Variants in TMCO5A observed in about 807,000 individuals in gnomAD.
The protein encoded by TMCO5A is transmembrane and coiled-coil domains 5A, also known as transmembrane and coiled-coil domain-containing protein 5A.
In TMCO5A, 34 loss-of-function variants were observed where a neutral mutation model predicts 42.3. That is an observed-to-expected ratio of 0.80 (90% confidence interval 0.61 to 1.07). The LOEUF (loss-of-function observed/expected upper bound fraction) is 1.07. Ranked by LOEUF, TMCO5A falls within the 50% of genes least tolerant of loss-of-function variation. TMCO5A has a pLI of 0.00. For synonymous variants in TMCO5A, 131 were observed against 115.6 expected (o/e 1.13, Z -0.86); for missense variants, 357 against 327.9 (o/e 1.09, Z -0.69).
chr15:37,968,586 T>C (rs9806440), downstream of TMCO5A, among the ~76,000 whole-genome samples: 2,435 of 150,840 alleles, frequency 0.016, 51 homozygotes, highest in East Asian at 0.054. Context: ...ACATTTCTTT[T>C]TTTTTTTTTT....
intron 11 of TMCO5A, among the ~76,000 whole-genome samples, chr15:37,966,155 C>T (rs2140823562): frequency 6.6e-6 from 1 of 152,254 alleles, no homozygotes; most frequent in Admixed American, 6.5e-5. Flanking sequence ...CACAGAAAGA[C>T]ACACATCACA....
the TMCO5A span, among the ~76,000 whole-genome samples, chr15:37,977,722 G>T: frequency 6.6e-6 from 1 of 152,208 alleles, no homozygotes; most frequent in Admixed American, 6.5e-5. Context: ...CCTTTATGTT[G>T]CCTGCCTGGC....
chr15:37,943,995 T>C (rs1159971729), intron 10 of TMCO5A: 2 of 152,148 alleles, frequency 1.3e-5, no homozygotes, highest in African/African-American at 4.8e-5. Context: ...TGATGTCTTG[T>C]GGCAGCAAGG....
the TMCO5A span, among the ~76,000 whole-genome samples, chr15:38,010,166 G>T: frequency 9.9e-5 from 15 of 151,848 alleles, no homozygotes; most frequent in Non-Finnish European, 1.9e-4. Context: ...GAGGTCAGGA[G>T]ATCGAGACCA....
chr15:37,938,211 A>T lies in TMCO5A; in HGVS notation c.369A>T (p.Gly123=). The T allele has an allele frequency of 6.3e-7, 1 of 1,577,254 alleles. No individual in the cohort carries two copies. Among genetic ancestry groups the T allele is most frequent in the Non-Finnish European group, 8.6e-7 (1 of 1,161,108 alleles). Residue 123 remains glycine (G), a synonymous_variant, in exon 6 of 12, where the codon GGA becomes GGT. Coordinates refer to ENST00000319669, the MANE Select transcript of TMCO5A (RefSeq NM_152453.4). ...ITNCEQSSPD[G]ALEETKVKLQ... ...ATTGTGAACAAAGCAGTCCAGATGGAGCCCTAGAAGAGACAAAGGTAAATG... is the reference window on the plus strand; with the variant it reads ...ATTGTGAACAAAGCAGTCCAGATGGTGCCCTAGAAGAGACAAAGGTAAATG...
exon 12 of TMCO5A, chr15:37,967,652 C>A (rs755743415): frequency 2.0e-5 from 3 of 152,130 alleles, no homozygotes; most frequent in Non-Finnish European, 2.9e-5. Context: ...CACATACAGG[C>A]ACTATTCACT....
At chr15:37,964,476 T>G (rs1414348179) in intron 11 of TMCO5A, among the ~76,000 whole-genome samples, 2 of 152,060 alleles carry the variant, frequency 1.3e-5, no homozygotes, top group African/African-American at 4.8e-5. Flanking sequence ...TTTTTTTTCT[T>G]GAAGTTGATC....
chr15:37,995,476 T>G, the TMCO5A span, among the ~76,000 whole-genome samples: 1 of 152,252 alleles, frequency 6.6e-6, no homozygotes, highest in Non-Finnish European at 1.5e-5. Flanking sequence ...TGATGTAGCT[T>G]GCATTTCTTG....
the TMCO5A span, among the ~76,000 whole-genome samples, chr15:38,033,667 C>G: frequency 1.3e-5 from 2 of 151,940 alleles, no homozygotes; most frequent in Non-Finnish European, 2.9e-5. Flanking sequence ...CGCTCTGTCA[C>G]CCAGGCTGGA....
At chr15:38,002,058 C>G in the TMCO5A span, among the ~76,000 whole-genome samples, 1 of 152,136 alleles carries the variant, frequency 6.6e-6, no homozygotes, top group African/African-American at 2.4e-5. Flanking sequence ...ATGTCCTTTT[C>G]TTTCAGACTG....
chr15:38,006,907 C>T, the TMCO5A span, among the ~76,000 whole-genome samples: 2 of 151,556 alleles, frequency 1.3e-5, no homozygotes, highest in Non-Finnish European at 2.9e-5. Flanking sequence ...GCAAGTCATA[C>T]AGTCTCTGTC....
chr15:37,988,252 C>G, the TMCO5A span, among the ~76,000 whole-genome samples: 1 of 151,924 alleles, frequency 6.6e-6, no homozygotes, highest in East Asian at 1.9e-4. Flanking sequence ...TAGGTGAAAT[C>G]TTTAGAGTTT....
exon 12 of TMCO5A, chr15:37,966,809 G>A: frequency 1.5e-6 from 1 of 660,016 alleles, no homozygotes; most frequent in Admixed American, 2.2e-5. Flanking sequence ...GTGGCCAGAG[G>A]GATGGAGTAC....
At chr15:38,028,764 T>C in the TMCO5A span, among the ~76,000 whole-genome samples, 2 of 152,238 alleles carry the variant, frequency 1.3e-5, no homozygotes, top group South Asian at 4.1e-4. Flanking sequence ...TAGAAGGTAG[T>C]GGGCAGAGGA....
chr15:37,937,397 G>T lies in TMCO5A; in HGVS notation c.315+1G>T. 1 of 1,612,988 alleles carries T rather than the reference G, an allele frequency of 6.2e-7. No homozygotes were observed. Among genetic ancestry groups the T allele is most frequent in the Non-Finnish European group, 8.5e-7 (1 of 1,179,294 alleles). ...CAGTATAACAGAACTTCAACAAAAG[G>T]TGAGGTAGGGTACTTGTGTTCTCCA... On this transcript the variant is annotated splice_donor_variant, in intron 5 of 11. Coordinates refer to ENST00000319669, the MANE Select transcript of TMCO5A (RefSeq NM_152453.4). LOFTEE classifies it high-confidence loss of function.
chr15:38,036,643 C>T, the TMCO5A span, among the ~76,000 whole-genome samples: 328 of 152,198 alleles, frequency 2.2e-3, no homozygotes, highest in African/African-American at 6.3e-3. Context: ...TTATTTCTGC[C>T]GCCACCACTC....
the TMCO5A span, among the ~76,000 whole-genome samples, chr15:38,039,212 A>G: frequency 6.6e-6 from 1 of 152,216 alleles, no homozygotes; most frequent in African/African-American, 2.4e-5. Context: ...GATGACTAAG[A>G]AAAATGGAAT....
chr15:38,018,548 A>G, the TMCO5A span, among the ~76,000 whole-genome samples: 2 of 152,104 alleles, frequency 1.3e-5, no homozygotes, highest in African/African-American at 4.8e-5. Context: ...AAGTAATAGA[A>G]TTCTACCCAA....
downstream of TMCO5A, among the ~76,000 whole-genome samples, chr15:37,952,533 G>A (rs1488803755): frequency 1.3e-5 from 2 of 152,104 alleles, no homozygotes; most frequent in Non-Finnish European, 2.9e-5. Context: ...CCTGCTAACT[G>A]AAAAGCCTCT....
Sources: gnomAD v4.1 joint callset for allele counts (sites outside exome capture counted in the v4.1 genomes callset) on GRCh38, gnomAD v4.1.1 for gene constraint, MANE v1.5 for transcripts, NCBI Gene and HGNC (gene_info 2026-07-23, HGNC 2026-07-21) for gene names.